Variants in ANKS1B observed in about 807,000 individuals in gnomAD.
The protein encoded by ANKS1B is ankyrin repeat and sterile alpha motif domain-containing protein 1B.
Under a neutral mutation model 148.3 loss-of-function variants are expected in ANKS1B, and 36 were observed. The observed-to-expected ratio is 0.24, with a 90% CI of 0.19 to 0.32. The LOEUF (loss-of-function observed/expected upper bound fraction) is 0.32, where lower values mean the gene tolerates loss of function less well. ANKS1B is among the 10% of genes least tolerant of loss of function. The pLI is 1.00. For missense variants in ANKS1B, 1,157 were observed against 1,542.6 expected, an observed-to-expected ratio of 0.75 and a Z score of 4.19; for synonymous variants, 542 against 560.8, an observed-to-expected ratio of 0.97 and a Z score of 0.47.
At chr12:99,702,076 ATATG>A (rs974433791) in intron 8 of ANKS1B, among the ~76,000 whole-genome samples, 2 of 152,158 alleles carry the variant, frequency 1.3e-5, no homozygotes, top group African/African-American at 4.8e-5. Context: ...TTGCTGGATC[ATATG>A]GTAGTTCTAT....
intron 8 of ANKS1B, among the ~76,000 whole-genome samples, chr12:99,689,978 G>C (rs1433522546): frequency 1.3e-5 from 2 of 152,144 alleles, no homozygotes; most frequent in Non-Finnish European, 2.9e-5. Flanking sequence ...ATAAAGGAAA[G>C]AGGTTTAATT....
At chr12:99,294,948 A>T (rs2080640599) in intron 12 of ANKS1B, among the ~76,000 whole-genome samples, 1 of 152,204 alleles carries the variant, frequency 6.6e-6, no homozygotes, top group African/African-American at 2.4e-5. Context: ...AACTAAAAGA[A>T]TATAATTGGA....
At chr12:99,125,399 C>A (rs186132139) in intron 15 of ANKS1B, among the ~76,000 whole-genome samples, 1 of 152,132 alleles carries the variant, frequency 6.6e-6, no homozygotes, top group African/African-American at 2.4e-5. Context: ...ACGTTCAATG[C>A]AGTGATGGTA....
intron 17 of ANKS1B, among the ~76,000 whole-genome samples, chr12:98,906,500 C>A (rs2152810173): frequency 6.6e-6 from 1 of 152,260 alleles, no homozygotes; most frequent in Middle Eastern, 3.4e-3. Flanking sequence ...GGAGGATCCA[C>A]AACTCTGATC....
intron 1 of ANKS1B, among the ~76,000 whole-genome samples, chr12:99,883,556 A>C (rs537630375): frequency 6.6e-6 from 1 of 152,328 alleles, no homozygotes; most frequent in South Asian, 2.1e-4. Context: ...ATCAAAATAA[A>C]ACTCTTGCTC....
intron 17 of ANKS1B, among the ~76,000 whole-genome samples, chr12:98,966,122 T>C (rs2099877638): frequency 6.6e-6 from 1 of 152,102 alleles, no homozygotes; most frequent in Non-Finnish European, 1.5e-5. Flanking sequence ...ACCTACAGAA[T>C]GGGAGAAAAT....
At chr12:98,959,317 G>C (rs926222577) in intron 17 of ANKS1B, among the ~76,000 whole-genome samples, 1 of 152,090 alleles carries the variant, frequency 6.6e-6, no homozygotes, top group Non-Finnish European at 1.5e-5. Context: ...TGGAAGGTGA[G>C]CCACAGACTT....
At chr12:99,404,218 T>C (rs1462805196) in intron 11 of ANKS1B, among the ~76,000 whole-genome samples, 1 of 145,712 alleles carries the variant, frequency 6.9e-6, no homozygotes, top group Non-Finnish European at 1.5e-5. Flanking sequence ...AAATAACTAA[T>C]GGGTACTAGG....
chr12:99,852,046 T>C (rs537534918), intron 1 of ANKS1B, among the ~76,000 whole-genome samples: 194 of 152,308 alleles, frequency 1.3e-3, no homozygotes, highest in Non-Finnish European at 2.3e-3. Context: ...GTCCCTGCTC[T>C]CAGAAAGCTC....
At chr12:99,512,366 G>A (rs2096775323) in intron 9 of ANKS1B, among the ~76,000 whole-genome samples, 1 of 151,936 alleles carries the variant, frequency 6.6e-6, no homozygotes, top group Non-Finnish European at 1.5e-5. Flanking sequence ...ACCTCATGCA[G>A]TCAGAATGAT....
At chr12:98,849,198 A>C (rs915741633) in intron 17 of ANKS1B, among the ~76,000 whole-genome samples, 1 of 152,056 alleles carries the variant, frequency 6.6e-6, no homozygotes, top group Non-Finnish European at 1.5e-5. Context: ...TCATATTTTA[A>C]TTCTTTGAGA....
intron 10 of ANKS1B, among the ~76,000 whole-genome samples, chr12:99,448,357 G>T (rs989328972): frequency 6.6e-6 from 1 of 152,104 alleles, no homozygotes; most frequent in Non-Finnish European, 1.5e-5. Context: ...AAAGACAAAT[G>T]ACACGTGATC....
chr12:99,099,756 A>T (rs2057410601), intron 15 of ANKS1B: 1 of 152,260 alleles, frequency 6.6e-6, no homozygotes, highest in Non-Finnish European at 1.5e-5. Flanking sequence ...GACAAAATTC[A>T]TGCTAATAAC....
chr12:99,683,197 G>T (rs897393797), intron 8 of ANKS1B, among the ~76,000 whole-genome samples: 1 of 152,074 alleles, frequency 6.6e-6, no homozygotes, highest in African/African-American at 2.4e-5. Context: ...TACAATTCAA[G>T]ATGAGATTTG....
chr12:99,705,803 G>A (rs375428851), intron 8 of ANKS1B, among the ~76,000 whole-genome samples: 3 of 152,210 alleles, frequency 2.0e-5, no homozygotes, highest in East Asian at 1.9e-4. Context: ...TTAAATGAAT[G>A]GAAAGGCTCA....
rs142519054 is a variant in ANKS1B, at chr12:99,889,957, T to C, written c.135-64568A>G. Among the ~76,000 whole-genome samples the C allele has an allele frequency of 6.9e-3, 1,048 of 152,244 alleles. 7 individuals carry two copies. The highest frequency in any genetic ancestry group is 0.024 in the African/African-American group (997 of 41,556). On this transcript the variant is annotated intron_variant, in intron 1 of 26. Transcript: ENST00000683438. The stretch of plus-strand genomic sequence containing the variant: ...AGCAGCTTAAAACCTCCCCAGGTGA[T>C]TCCAATGTGAACTCCAGGCTGAGAA...
At chr12:99,749,931 A>G (rs559617416) in intron 8 of ANKS1B, among the ~76,000 whole-genome samples, 4 of 152,226 alleles carry the variant, frequency 2.6e-5, no homozygotes, top group African/African-American at 7.2e-5. Context: ...GAAAAGATAA[A>G]GAAAAAAACG....
rs373920333 is a variant in ANKS1B, at chr12:99,589,766, C to T, written c.1272+65301G>A. ...TAAATGAATGTATGGTACAATAGGG[C>T]GACTATAGTTAACAATAATTTATAG... On this transcript the variant is annotated intron_variant, in intron 9 of 26. Transcript: ENST00000683438. Among the ~76,000 whole-genome samples, 299 of 151,882 alleles carry T rather than the reference C, an allele frequency of 2.0e-3. 2 individuals are homozygous for T. In the Middle Eastern group the frequency reaches 0.034, roughly 17 times the overall value.
chr12:99,869,337 C>T (rs2091179329), intron 1 of ANKS1B, among the ~76,000 whole-genome samples: 1 of 151,836 alleles, frequency 6.6e-6, no homozygotes, highest in South Asian at 2.1e-4. Context: ...AATGCATGAA[C>T]CAATGAAACA....
Sources: gnomAD v4.1 joint callset for allele counts (sites outside exome capture counted in the v4.1 genomes callset) on GRCh38, gnomAD v4.1.1 for gene constraint, MANE v1.5 for transcripts, NCBI Gene and HGNC (gene_info 2026-07-23, HGNC 2026-07-21) for gene names.